Variants in ADAT1 observed in about 807,000 individuals in gnomAD.
ADAT1 encodes tRNA-specific adenosine deaminase 1.
A neutral mutation model predicts 58.6 loss-of-function variants in ADAT1; 58 were observed. The ratio of observed to expected loss-of-function variants is 0.99; its 90% CI spans 0.80 to 1.23. The LOEUF is 1.23. Among genes scored for constraint, ADAT1 ranks in the 50% most tolerant of loss-of-function variants. The pLI is 0.00. For missense variants in ADAT1, 741 were observed against 608.6 expected, an observed-to-expected ratio of 1.22 and a Z score of -2.29; for synonymous variants, 254 against 220.8, an observed-to-expected ratio of 1.15 and a Z score of -1.33.
intron 8 of ADAT1, among the ~76,000 whole-genome samples, chr16:75,604,729 A>G (rs1355407081): frequency 6.6e-6 from 1 of 152,110 alleles, no homozygotes; most frequent in East Asian, 1.9e-4. Flanking sequence ...CTTTTATTCA[A>G]CATTATACAG....
chr16:75,609,225 G>GT (rs2081452597), intron 6 of ADAT1, among the ~76,000 whole-genome samples: 1 of 152,216 alleles, frequency 6.6e-6, no homozygotes, highest in Non-Finnish European at 1.5e-5. Flanking sequence ...CTTCAGGGAT[G>GT]TAACACCAAA....
At chr16:75,613,730 T>C (rs1253823117) in intron 5 of ADAT1, among the ~76,000 whole-genome samples, 3 of 152,200 alleles carry the variant, frequency 2.0e-5, no homozygotes, top group Non-Finnish European at 4.4e-5. Flanking sequence ...CCAGTCCCAG[T>C]ATGAAAATAA....
chr16:75,608,077 T>C (rs1488039868), intron 8 of ADAT1, 147 bp downstream of exon 8: 1 of 647,988 alleles, frequency 1.5e-6, no homozygotes, highest in African/African-American at 1.8e-5. Context: ...AATTAGAGGT[T>C]TCCAAGGGAT....
chr16:75,611,824 G>A (rs937602934), intron 6 of ADAT1, among the ~76,000 whole-genome samples: 2 of 152,012 alleles, frequency 1.3e-5, no homozygotes, highest in African/African-American at 2.4e-5. Flanking sequence ...TTGGGAGACC[G>A]AGGTGGGTGG....
chr16:75,601,341 CA>C (rs906907559), intron 9 of ADAT1, among the ~76,000 whole-genome samples: 221 of 139,074 alleles, frequency 1.6e-3, no homozygotes, highest in Admixed American at 1.6e-3. Context: ...GACACTGTCT[CA>C]AAAAAAAAAA....
intron 8 of ADAT1, among the ~76,000 whole-genome samples, chr16:75,606,668 C>T (rs138971911): frequency 0.014 from 2,098 of 152,238 alleles, 58 homozygotes; most frequent in African/African-American, 0.048. Flanking sequence ...GCCCTGGCTG[C>T]CATAATGGAC....
intron 1 of ADAT1, 71 bp from the exon 2 acceptor site, chr16:75,620,891 T>C: frequency 7.5e-7 from 1 of 1,342,036 alleles, no homozygotes; most frequent in East Asian, 2.4e-5. Flanking sequence ...GCCTCTCATA[T>C]CCATGCTTCG....
rs771388172 is a variant in ADAT1, at chr16:75,618,656, G to A, written c.239-16C>T. 5.6e-6 allele frequency: 9 copies of A among 1,612,674 alleles called. No individual in the cohort carries two copies. Among genetic ancestry groups the A allele is most frequent in the Non-Finnish European group, 6.8e-6 (8 of 1,179,370 alleles). On this transcript the variant is annotated splice_polypyrimidine_tract_variant and intron_variant, in intron 3 of 9. Transcript: ENST00000564657. ...AGGATGTCTCCTGCGGCAAAGATAG[G>A]ACACCAGGTGAAGACATATGGAAGC... is the stretch of plus-strand genomic sequence containing the variant.
intron 5 of ADAT1, among the ~76,000 whole-genome samples, chr16:75,615,429 T>C (rs2081670736): frequency 7.4e-6 from 1 of 134,290 alleles, no homozygotes; most frequent in South Asian, 2.3e-4. Flanking sequence ...AGAATAAAAA[T>C]TGTCTTGGGC....
At chr16:75,612,962 G>T (rs887802771) in intron 5 of ADAT1, 101 bp from the exon 6 acceptor site, 3 of 1,417,506 alleles carry the variant, frequency 2.1e-6, no homozygotes, top group East Asian at 2.4e-5. Context: ...GCAAACTCTT[G>T]GGACCCACAG....
chr16:75,599,995 C>T lies in ADAT1; in HGVS notation c.*221G>A. 1 of 1,298,466 alleles carries T rather than the reference C, an allele frequency of 7.7e-7. No individual in the cohort carries two copies. The highest frequency in any genetic ancestry group is 9.8e-7 in the Non-Finnish European group (1 of 1,020,934). The allele number at this position is 1,298,466 out of a possible 1,614,324, so 80.4% of individuals were successfully genotyped here. A position where few individuals can be genotyped will look rare whatever the true frequency, so the allele number is the denominator to read the frequency against. ...AGAAGCAATAAAACACAATGGAAGT[C>T]AGATAGTGAGGTCATTAGTGAGATG... On this transcript the variant is annotated 3_prime_UTR_variant, in exon 10 of 10. Transcript: ENST00000564657.
chr16:75,598,463 T>C lies in ADAT1; in HGVS notation c.*1753A>G, dbSNP rs1370567879. On this transcript the variant is annotated 3_prime_UTR_variant, in exon 10 of 10. Coordinates refer to ENST00000564657, the MANE Select transcript of ADAT1 (RefSeq NM_001324445.2). Reference sequence around the variant, plus strand: ...GAAACTATTACAGGCACAAAATTTGTGATGAAAATGTTCTAAAATTGATGG... The same window carrying C: ...GAAACTATTACAGGCACAAAATTTGCGATGAAAATGTTCTAAAATTGATGG... The C allele has an allele frequency of 6.3e-6, 1 of 158,624 alleles. No individual in the cohort carries two copies. Among genetic ancestry groups the C allele is most frequent in the South Asian group, 1.6e-4 (1 of 6,358 alleles). The allele number at this position is 158,624 out of a possible 1,614,324, so 9.8% of individuals were successfully genotyped here.
In ADAT1 at chr16:75,598,933, A is replaced by G. The variant is rs1372989271; in HGVS notation, c.*1283T>C. ...AGCCACAAAATGCTGAAGAACCAAT[A>G]AGGACCTTGAGTAACCCCAACATGG... On this transcript the variant is annotated 3_prime_UTR_variant, in exon 10 of 10. Coordinates refer to ENST00000564657, the MANE Select transcript of ADAT1 (RefSeq NM_001324445.2). 4 of 985,288 alleles carry G rather than the reference A, an allele frequency of 4.1e-6. No homozygotes were observed. In the African/African-American group the frequency reaches 5.2e-5, roughly 13 times the overall value. 61.0% of individuals were successfully genotyped at this position (985,288 alleles called of 1,614,324 possible). A position where few individuals can be genotyped will look rare whatever the true frequency, so the allele number is the denominator to read the frequency against.
intron 6 of ADAT1, among the ~76,000 whole-genome samples, chr16:75,610,688 G>A (rs1373854562): frequency 6.6e-6 from 1 of 152,302 alleles, no homozygotes; most frequent in South Asian, 2.1e-4. Context: ...TTTGATATGG[G>A]CCTATGAGGC....
intron 8 of ADAT1, among the ~76,000 whole-genome samples, chr16:75,604,454 AAAAT>A (rs1463545546): frequency 5.2e-4 from 37 of 71,330 alleles, no homozygotes; most frequent in African/African-American, 2.3e-3. Context: ...AAAAAAAAAA[AAAAT>A]ATATATATAT....
Position 75,598,931 on chromosome 16 carries a change from A to G in ADAT1, c.*1285T>C, listed in dbSNP as rs1231804469. The G allele has an allele frequency of 1.0e-6, 1 of 985,288 alleles. No homozygotes were observed. The highest frequency in any genetic ancestry group is 1.7e-5 in the African/African-American group (1 of 57,232). The allele number at this position is 985,288 out of a possible 1,614,324, so 61.0% of individuals were successfully genotyped here. ...ATAGCCACAAAATGCTGAAGAACCA[A>G]TAAGGACCTTGAGTAACCCCAACAT... On this transcript the variant is annotated 3_prime_UTR_variant, in exon 10 of 10. Coordinates refer to ENST00000564657, the MANE Select transcript of ADAT1 (RefSeq NM_001324445.2).
At position 75,620,624 on chromosome 16, in the gene ADAT1, G is replaced by T; in HGVS notation, c.169+7C>A. Reference sequence around the variant, plus strand: ...GTGAGGAGCATGCCAAGAAGAAAAAGTCTCACCTTGCACCGGCTTATCAGG... The same window carrying T: ...GTGAGGAGCATGCCAAGAAGAAAAATTCTCACCTTGCACCGGCTTATCAGG... On this transcript the variant is annotated splice_region_variant and intron_variant, in intron 2 of 9. Transcript: ENST00000564657. 1 of 1,612,294 alleles carries T rather than the reference G, an allele frequency of 6.2e-7. No individual in the cohort carries two copies. Among genetic ancestry groups the T allele is most frequent in the South Asian group, 1.1e-5 (1 of 90,948 alleles).
chr16:75,597,691 G>A lies in ADAT1; in HGVS notation c.*2525C>T, dbSNP rs945509073. Among the ~76,000 whole-genome samples, 11 of 152,176 alleles carry A rather than the reference G, an allele frequency of 7.2e-5. No individual in the cohort carries two copies. Among genetic ancestry groups the A allele is most frequent in the African/African-American group, 2.7e-4 (11 of 41,450 alleles). On this transcript the variant is annotated 3_prime_UTR_variant, in exon 10 of 10. Coordinates refer to ENST00000564657, the MANE Select transcript of ADAT1 (RefSeq NM_001324445.2). ...GAGCTTGTTTTCCTGCAACTAGACA[G>A]TCCCATATGGGGGTTATGGAAGACA...
chr16:75,598,682 C>A lies in ADAT1; in HGVS notation c.*1534G>T, dbSNP rs1274294328. On this transcript the variant is annotated 3_prime_UTR_variant, in exon 10 of 10. Transcript: ENST00000564657. ...TACAGGCGTGCACCACCATGCCCGG[C>A]TAATTTTTGTATTTTTAGCAGAGAC... Among the ~76,000 whole-genome samples the A allele has an allele frequency of 2.6e-5, 4 of 151,910 alleles. No individual in the cohort carries two copies. The highest frequency in any genetic ancestry group is 6.6e-5 in the Admixed American group (1 of 15,244).
Sources: gnomAD v4.1 joint callset for allele counts (sites outside exome capture counted in the v4.1 genomes callset) on GRCh38, gnomAD v4.1.1 for gene constraint, MANE v1.5 for transcripts, NCBI Gene and HGNC (gene_info 2026-07-23, HGNC 2026-07-21) for gene names.